The following SLC36A1 variants were observed in gnomAD, a reference collection of about 807,000 sequenced individuals.
SLC36A1 encodes proton-coupled amino acid transporter 1.
Under a neutral mutation model 47.5 loss-of-function variants are expected in SLC36A1, and 30 were observed. The observed-to-expected ratio is 0.63, with a 90% CI of 0.47 to 0.86. The LOEUF (loss-of-function observed/expected upper bound fraction) is 0.86. SLC36A1 is among the 40% of genes least tolerant of loss of function. SLC36A1 has a pLI of 0.00. For synonymous variants in SLC36A1, 255 were observed against 249.7 expected (o/e 1.02, Z -0.20); for missense variants, 517 against 606.0 (o/e 0.85, Z 1.54).
chr5:151,509,814 G>T, the SLC36A1 span: 3 of 581,588 alleles, frequency 5.2e-6, no homozygotes, highest in Admixed American at 2.6e-5. Context: ...CGTTTCTCCT[G>T]CCTGGTCCGT....
the SLC36A1 span, chr5:151,527,878 G>A: frequency 7.6e-7 from 1 of 1,323,180 alleles, no homozygotes; most frequent in South Asian, 1.4e-5. Context: ...GAGACATTCT[G>A]GGAAGGTCTG....
chr5:151,369,254 T>G, the SLC36A1 span, among the ~76,000 whole-genome samples: 2 of 152,176 alleles, frequency 1.3e-5, no homozygotes, highest in African/African-American at 4.8e-5. Context: ...CAAAATAAAT[T>G]ACACAACCTC....
At chr5:151,407,599 C>T in the SLC36A1 span, among the ~76,000 whole-genome samples, 99 of 152,082 alleles carry the variant, frequency 6.5e-4, 1 homozygote, top group African/African-American at 2.1e-3. Context: ...GAAAAGTTCT[C>T]CAAGTCCCCA....
At chr5:151,458,249 C>CATAT (rs143433547) in intron 1 of SLC36A1, among the ~76,000 whole-genome samples, 21 of 145,586 alleles carry the variant, frequency 1.4e-4, no homozygotes, top group African/African-American at 3.3e-4. Flanking sequence ...AGAGCTTGTA[C>CATAT]ATATATATAT....
the SLC36A1 span, chr5:151,507,251 C>T: frequency 6.2e-7 from 1 of 1,614,190 alleles, no homozygotes; most frequent in South Asian, 1.1e-5. Context: ...CACTGCAGAC[C>T]ACTGGCCGTT....
chr5:151,528,513 A>T, the SLC36A1 span, among the ~76,000 whole-genome samples: 3 of 152,120 alleles, frequency 2.0e-5, no homozygotes, highest in African/African-American at 7.2e-5. Context: ...TTAGAAAAGG[A>T]CTCATGAAGC....
chr5:151,501,604 G>A, the SLC36A1 span, among the ~76,000 whole-genome samples: 2 of 148,156 alleles, frequency 1.3e-5, no homozygotes, highest in African/African-American at 2.7e-5. Flanking sequence ...TGTCATACTG[G>A]CCACCATTTA....
chr5:151,406,785 C>G, the SLC36A1 span, among the ~76,000 whole-genome samples: 2 of 152,066 alleles, frequency 1.3e-5, no homozygotes, highest in Non-Finnish European at 2.9e-5. Context: ...GAGAGAGGCT[C>G]AGTTCTAGTG....
the SLC36A1 span, chr5:151,544,304 A>G: frequency 1.2e-6 from 2 of 1,614,204 alleles, no homozygotes; most frequent in South Asian, 1.1e-5. Context: ...GTATAGACCA[A>G]TTGGGAAAAA....
the SLC36A1 span, chr5:151,532,101 T>C: frequency 8.3e-7 from 1 of 1,207,920 alleles, no homozygotes; most frequent in Non-Finnish European, 1.2e-6. Flanking sequence ...CTTGGGTATA[T>C]GAAGAGTGAG....
the SLC36A1 span, among the ~76,000 whole-genome samples, chr5:151,516,975 G>A: frequency 6.6e-6 from 1 of 152,124 alleles, no homozygotes; most frequent in African/African-American, 2.4e-5. Flanking sequence ...AGGCATGGTG[G>A]TGTGTGCCTG....
At chr5:151,408,868 A>T in the SLC36A1 span, among the ~76,000 whole-genome samples, 1 of 152,336 alleles carries the variant, frequency 6.6e-6, no homozygotes, top group South Asian at 2.1e-4. Flanking sequence ...GTTTCCAGGA[A>T]GGATTTGTTT....
chr5:151,545,243 G>C, the SLC36A1 span: 16 of 1,614,026 alleles, frequency 9.9e-6, no homozygotes, highest in African/African-American at 1.3e-5. Flanking sequence ...CTTTTGTCAA[G>C]CACTTGGGTC....
chr5:151,386,168 G>A, the SLC36A1 span, among the ~76,000 whole-genome samples: 241 of 151,972 alleles, frequency 1.6e-3, 1 homozygote, highest in Non-Finnish European at 6.8e-4. Context: ...ATGAGCCACC[G>A]CACCCGGCCC....
the SLC36A1 span, chr5:151,545,682 A>C: frequency 1.9e-6 from 3 of 1,614,210 alleles, no homozygotes; most frequent in South Asian, 3.3e-5. Context: ...TGCTGGGATC[A>C]ATTTTGAAAA....
At chr5:151,350,125 C>CCAG in the SLC36A1 span, among the ~76,000 whole-genome samples, 1 of 151,612 alleles carries the variant, frequency 6.6e-6, no homozygotes, top group Non-Finnish European at 1.5e-5. Context: ...CTCACCACCA[C>CCAG]CACCACCACC....
At chr5:151,380,341 T>C in the SLC36A1 span, 1 of 284,922 alleles carries the variant, frequency 3.5e-6, no homozygotes, top group Non-Finnish European at 7.1e-6. Flanking sequence ...ACAAATTAGC[T>C]GCCAGGAGAC....
intron 1 of SLC36A1, among the ~76,000 whole-genome samples, chr5:151,458,329 T>TACAC (rs1561738011): frequency 8.8e-6 from 1 of 113,072 alleles, no homozygotes; most frequent in Non-Finnish European, 1.9e-5. Context: ...TATATATATA[T>TACAC]ATATGGGATA....
the SLC36A1 span, among the ~76,000 whole-genome samples, chr5:151,553,966 T>C: frequency 1.1e-4 from 16 of 152,234 alleles, no homozygotes; most frequent in Admixed American, 9.8e-4. Flanking sequence ...GCTAGCTACC[T>C]GATATATTGG....
Sources: allele counts gnomAD v4.1 joint callset (sites outside exome capture counted in the v4.1 genomes callset), GRCh38; gene constraint gnomAD v4.1.1; transcripts MANE v1.5; gene names NCBI Gene and HGNC (gene_info 2026-07-23, HGNC 2026-07-21).